Variants in CACNA2D2 observed in about 807,000 individuals in gnomAD.
CACNA2D2 encodes the protein voltage-dependent calcium channel subunit alpha-2/delta-2.
In CACNA2D2, 48 loss-of-function variants were observed where a neutral mutation model predicts 166.4. The observed-to-expected ratio is 0.29, with a 90% CI of 0.23 to 0.37. The LOEUF is 0.37. Ranked by LOEUF, CACNA2D2 falls within the 10% of genes least tolerant of loss-of-function variation. The pLI, the probability that CACNA2D2 is intolerant of heterozygous loss-of-function variation, is 1.00. For synonymous variants in CACNA2D2, 561 were observed against 573.7 expected (o/e 0.98, Z 0.32); for missense variants, 1,122 against 1,433.0 (o/e 0.78, Z 3.50).
chr3:50,422,773 G>A (rs1456656056), intron 3 of CACNA2D2, among the ~76,000 whole-genome samples: 4 of 152,328 alleles, frequency 2.6e-5, no homozygotes, highest in East Asian at 1.9e-4. Flanking sequence ...CTCGCCTGGC[G>A]CTTCTCCCTC....
chr3:50,365,989 C>T lies in CACNA2D2; in HGVS notation c.2862+22G>A, dbSNP rs1411546518. On this transcript the variant is annotated intron_variant, in intron 32 of 37. Transcript: ENST00000424201. The surrounding 1 kb of genome is among the most constrained non-coding windows in gnomAD (Gnocchi z 4.5). ...TCTCCCAGTCCCCCCCATCTCCAGTCCAGGCATCTCTGGGGACTCACCACA... is the reference window on the plus strand; with the variant it reads ...TCTCCCAGTCCCCCCCATCTCCAGTTCAGGCATCTCTGGGGACTCACCACA... 6.2e-7 allele frequency: 1 copy of T among 1,611,032 alleles called. No individual in the cohort carries two copies. Among genetic ancestry groups the T allele is most frequent in the Non-Finnish European group, 8.5e-7 (1 of 1,178,742 alleles).
intron 3 of CACNA2D2, among the ~76,000 whole-genome samples, chr3:50,423,105 GGCTGTGGCT>G (rs1303814686): frequency 5.3e-5 from 8 of 152,206 alleles, no homozygotes; most frequent in Non-Finnish European, 1.0e-4. Context: ...CCCTCCCCAG[GGCTGTGGCT>G]CCCTGACCCC....
At chr3:50,390,455 G>A (rs945362756) in intron 4 of CACNA2D2, among the ~76,000 whole-genome samples, 2 of 152,168 alleles carry the variant, frequency 1.3e-5, no homozygotes, top group East Asian at 1.9e-4. Flanking sequence ...CTCTGCCCAT[G>A]AGTGGCCACC....
chr3:50,465,715 A>G (rs1437115652), intron 2 of CACNA2D2, among the ~76,000 whole-genome samples: 1 of 152,102 alleles, frequency 6.6e-6, no homozygotes, highest in Non-Finnish European at 1.5e-5. Context: ...CTTCTAGGGG[A>G]TGAGGTCTCC....
chr3:50,363,286 G>A lies in CACNA2D2; in HGVS notation c.*1380C>T. 2.5e-6 allele frequency: 1 copy of A among 398,818 alleles called. No individual in the cohort carries two copies. The highest frequency in any genetic ancestry group is 4.4e-6 in the Non-Finnish European group (1 of 226,064). 24.7% of individuals were successfully genotyped at this position (398,818 alleles called of 1,614,324 possible). A position where few individuals can be genotyped will look rare whatever the true frequency, so the allele number is the denominator to read the frequency against. ...CACACACACACTGAGAAAGCGACAA[G>A]CAACATGACATTAATTAACGAAGCC... On this transcript the variant is annotated 3_prime_UTR_variant, in exon 38 of 38. Coordinates refer to ENST00000424201, the MANE Select transcript of CACNA2D2 (RefSeq NM_006030.4).
intron 2 of CACNA2D2, among the ~76,000 whole-genome samples, chr3:50,463,538 A>C (rs1709685532): frequency 2.0e-5 from 3 of 152,196 alleles, no homozygotes; most frequent in Admixed American, 2.0e-4. Context: ...TATGCAGCCA[A>C]GGAAGCACTG....
Position 50,375,571 on chromosome 3 carries a change from G to C in CACNA2D2, c.1907+73C>G, listed in dbSNP as rs1198784138. On this transcript the variant is annotated intron_variant, in intron 21 of 37. Coordinates refer to ENST00000424201, the MANE Select transcript of CACNA2D2 (RefSeq NM_006030.4). This position sits in a 1 kb window ranked among gnomAD's most constrained non-coding sequence, Gnocchi z 4.0. ...CTGGGATGGTGGTCACAGTGGGAGAGGGAGGGGACAGCTGGGCTCAGATTC... is the reference window on the plus strand; with the variant it reads ...CTGGGATGGTGGTCACAGTGGGAGACGGAGGGGACAGCTGGGCTCAGATTC... The C allele has an allele frequency of 1.3e-6, 2 of 1,515,654 alleles. No homozygotes were observed. Among genetic ancestry groups the C allele is most frequent in the African/African-American group, 2.7e-5 (2 of 73,228 alleles). The allele number at this position is 1,515,654 out of a possible 1,614,324, so 93.9% of individuals were successfully genotyped here. A position where few individuals can be genotyped will look rare whatever the true frequency, so the allele number is the denominator to read the frequency against.
Position 50,376,858 on chromosome 3 carries a change from A to T in CACNA2D2, c.1626+609T>A, listed in dbSNP as rs587721909. Among the ~76,000 whole-genome samples the T allele has an allele frequency of 1.3e-5, 2 of 152,324 alleles. No homozygotes were observed. The highest frequency in any genetic ancestry group is 4.1e-4 in the South Asian group (2 of 4,834). On this transcript the variant is annotated intron_variant, in intron 17 of 37. Transcript: ENST00000424201. This position sits in a 1 kb window ranked among gnomAD's most constrained non-coding sequence, Gnocchi z 4.3. ...ACTCCCTGACCGCAGGCGCTGGGCCAGCCACAATGCCATCTTGCCCCTACC... is the reference window on the plus strand; with the variant it reads ...ACTCCCTGACCGCAGGCGCTGGGCCTGCCACAATGCCATCTTGCCCCTACC...
chr3:50,460,040 G>A (rs981370267), intron 2 of CACNA2D2, among the ~76,000 whole-genome samples: 13 of 152,028 alleles, frequency 8.6e-5, no homozygotes, highest in Admixed American at 4.6e-4. Context: ...GTCAACCCCC[G>A]ACACCCCTGC....
chr3:50,421,858 G>A (rs1302471477), intron 3 of CACNA2D2, among the ~76,000 whole-genome samples: 2 of 152,058 alleles, frequency 1.3e-5, no homozygotes, highest in African/African-American at 4.8e-5. Flanking sequence ...CTGACCCCAA[G>A]TGACTGGGAA....
chr3:50,419,148 C>A (rs1162742954), intron 3 of CACNA2D2, among the ~76,000 whole-genome samples: 2 of 152,128 alleles, frequency 1.3e-5, no homozygotes, highest in Admixed American at 6.5e-5. Flanking sequence ...CGGAAAGAGG[C>A]TTAGGCTTTT....
Position 50,377,511 on chromosome 3 carries a change from C to A in CACNA2D2, c.1582G>T (p.Asp528Tyr). 6.2e-7 allele frequency: 1 copy of A among 1,613,348 alleles called. No homozygotes were observed. The highest frequency in any genetic ancestry group is 8.5e-7 in the Non-Finnish European group (1 of 1,179,988). Residue 528 changes from aspartate (D) to tyrosine (Y), a missense_variant, in exon 17 of 38, where the codon GAC becomes TAC. Asp to Tyr is a radical substitution (Grantham distance 160). Transcript: ENST00000424201. ...NQLILGVMGIDVALNDIKRLT... is the reference protein window; with the variant it reads ...NQLILGVMGIYVALNDIKRLT... ...CTCTTGATGTCATTCAGAGCCACGT[C>A]AATGCCCATCACGCCCAGGATCAGC...
In CACNA2D2 at chr3:50,367,321, C is replaced by G. The variant is rs149391754; in HGVS notation, c.2401+73G>C. 2.6e-4 allele frequency: 356 copies of G among 1,380,744 alleles called. 2 individuals are homozygous for G. In the African/African-American group the frequency reaches 4.2e-3, roughly 16 times the overall value. 85.5% of individuals were successfully genotyped at this position (1,380,744 alleles called of 1,614,324 possible). A position where few individuals can be genotyped will look rare whatever the true frequency, so the allele number is the denominator to read the frequency against. On this transcript the variant is annotated intron_variant, in intron 27 of 37. Transcript: ENST00000424201. The surrounding 1 kb of genome is among the most constrained non-coding windows in gnomAD (Gnocchi z 6.5). ...TGGAGAGGGGCCTCAGACAGCAGAG[C>G]CCAGTTCTGGCTGAGCAGACAGGGA...
chr3:50,386,360 A>G (rs1014964820), intron 5 of CACNA2D2, among the ~76,000 whole-genome samples: 2 of 152,206 alleles, frequency 1.3e-5, no homozygotes, highest in Admixed American at 1.3e-4. Flanking sequence ...GGGGCTTTGT[A>G]TGGTGGGCAA....
Position 50,379,728 on chromosome 3 carries a change from G to C in CACNA2D2, c.990C>G (p.Ala330=), listed in dbSNP as rs1400565723. 1 of 1,613,728 alleles carries C rather than the reference G, an allele frequency of 6.2e-7. No individual in the cohort carries two copies. Among genetic ancestry groups the C allele is most frequent in the Non-Finnish European group, 8.5e-7 (1 of 1,179,890 alleles). The change falls in exon 10 of 38, where the codon GCC becomes GCG. Residue 330 remains alanine, a synonymous_variant. Coordinates refer to ENST00000424201, the MANE Select transcript of CACNA2D2 (RefSeq NM_006030.4). The surrounding 1 kb of genome is among the most constrained non-coding windows in gnomAD (Gnocchi z 6.5). ...TLSDDDYVNV[A]SFNEKAQPVS... ...CGTCTGCCACCTTGGCACTCACCGA[G>C]GCCACATTCACATAGTCATCATCAG...
Position 50,381,144 on chromosome 3 carries a change from G to T in CACNA2D2, c.653-18C>A. 6.2e-7 allele frequency: 1 copy of T among 1,612,972 alleles called. No individual in the cohort carries two copies. Among genetic ancestry groups the T allele is most frequent in the Non-Finnish European group, 8.5e-7 (1 of 1,179,584 alleles). ...GACAGTGGCTGGGGGGAAGCGGGGA[G>T]CTGGGGTGGGGAGCACCTGGGCTGT... On this transcript the variant is annotated intron_variant, in intron 6 of 37. Transcript: ENST00000424201.
chr3:50,375,962 C>A lies in CACNA2D2; in HGVS notation c.1773+1G>T. 6.2e-7 allele frequency: 1 copy of A among 1,613,278 alleles called. No homozygotes were observed. Among genetic ancestry groups the A allele is most frequent in the Non-Finnish European group, 8.5e-7 (1 of 1,179,980 alleles). On this transcript the variant is annotated splice_donor_variant, in intron 19 of 37. Transcript: ENST00000424201. LOFTEE classifies it high-confidence loss of function. The surrounding 1 kb of genome is among the most constrained non-coding windows in gnomAD (Gnocchi z 4.0). ...CACCCCTGTTCTCCTCCTCTCCTTA[C>A]CTCTTCCTTGTTCTCATCCTCTAGC... is the stretch of plus-strand genomic sequence containing the variant.
At chr3:50,371,338 G>A (rs1310856819) in intron 22 of CACNA2D2, among the ~76,000 whole-genome samples, 1 of 150,224 alleles carries the variant, frequency 6.7e-6, no homozygotes, top group Non-Finnish European at 1.5e-5. Flanking sequence ...GTGGGTGAGT[G>A]AGCATGCATG....
Position 50,364,380 on chromosome 3 carries a change from T to G in CACNA2D2, c.*286A>C. 1 of 411,336 alleles carries G rather than the reference T, an allele frequency of 2.4e-6. No homozygotes were observed. Among genetic ancestry groups the G allele is most frequent in the Non-Finnish European group, 4.3e-6 (1 of 231,522 alleles). The allele number at this position is 411,336 out of a possible 1,614,324, so 25.5% of individuals were successfully genotyped here. A position where few individuals can be genotyped will look rare whatever the true frequency, so the allele number is the denominator to read the frequency against. ...GAGGCCTGGTTTTGGCACCAGTGCG[T>G]GTGGCCTCCCTGTCCCATCCCACTG... On this transcript the variant is annotated 3_prime_UTR_variant, in exon 38 of 38. Coordinates refer to ENST00000424201, the MANE Select transcript of CACNA2D2 (RefSeq NM_006030.4).
Sources: gnomAD v4.1 joint callset for allele counts (sites outside exome capture counted in the v4.1 genomes callset) on GRCh38, gnomAD v4.1.1 for gene constraint, Gnocchi (gnomAD v3.1) non-coding constraint, MANE v1.5 for transcripts, NCBI Gene and HGNC (gene_info 2026-07-23, HGNC 2026-07-21) for gene names.